CAST: variants seen among roughly 807,000 people sequenced by gnomAD.
CAST encodes MIR583 host.
A neutral mutation model predicts 119.6 loss-of-function variants in CAST; 76 were observed. The ratio of observed to expected loss-of-function variants is 0.64; its 90% CI spans 0.53 to 0.77. CAST has a LOEUF of 0.77. Ranked by LOEUF, CAST falls within the 30% of genes least tolerant of loss-of-function variation. The pLI, the probability that CAST is intolerant of heterozygous loss-of-function variation, is 0.00. For synonymous variants in CAST, 319 were observed against 331.6 expected (o/e 0.96, Z 0.41); for missense variants, 953 against 946.5 (o/e 1.01, Z -0.09).
chr5:96,527,536 T>C (rs1745615651), upstream of CAST, among the ~76,000 whole-genome samples: 1 of 152,198 alleles, frequency 6.6e-6, no homozygotes, highest in Non-Finnish European at 1.5e-5. Context: ...CCTGTCTATT[T>C]TGTGAGCAGT....
the CAST span, among the ~76,000 whole-genome samples, chr5:96,481,814 C>T: frequency 6.6e-6 from 1 of 152,072 alleles, no homozygotes; most frequent in African/African-American, 2.4e-5. Flanking sequence ...TGGCAAGACC[C>T]TATTGTTTAA....
intron 1 of CAST, among the ~76,000 whole-genome samples, chr5:96,655,475 G>A (rs1748145678): frequency 6.6e-6 from 1 of 152,194 alleles, no homozygotes; most frequent in African/African-American, 2.4e-5. Context: ...TTGAATGGCA[G>A]TCCGCAGTCA....
the CAST span, among the ~76,000 whole-genome samples, chr5:96,002,571 T>G: frequency 6.6e-6 from 1 of 152,132 alleles, no homozygotes; most frequent in South Asian, 2.1e-4. Flanking sequence ...TTGCCACCAA[T>G]CTTTATGAAC....
the CAST span, among the ~76,000 whole-genome samples, chr5:96,127,950 A>C: frequency 6.6e-6 from 1 of 152,152 alleles, no homozygotes; most frequent in Non-Finnish European, 1.5e-5. Flanking sequence ...GTATCACTGA[A>C]GCTCTACAGA....
the CAST span, among the ~76,000 whole-genome samples, chr5:96,471,114 T>C: frequency 5.3e-5 from 8 of 152,114 alleles, no homozygotes; most frequent in Admixed American, 2.0e-4. Context: ...ATTTGACTGA[T>C]AGTCACAAAC....
chr5:96,349,532 T>G, the CAST span, among the ~76,000 whole-genome samples: 1 of 152,170 alleles, frequency 6.6e-6, no homozygotes, highest in African/African-American at 2.4e-5. Flanking sequence ...TATTAAAAAC[T>G]CTTTGGCGTC....
the CAST span, among the ~76,000 whole-genome samples, chr5:95,966,673 G>C: frequency 6.6e-6 from 1 of 152,146 alleles, no homozygotes; most frequent in South Asian, 2.1e-4. Flanking sequence ...AGGCTAGGTG[G>C]CCAGGGCTAT....
At chr5:96,540,986 A>G (rs991306704) in intron 1 of CAST, among the ~76,000 whole-genome samples, 4 of 152,092 alleles carry the variant, frequency 2.6e-5, no homozygotes, top group African/African-American at 9.7e-5. Context: ...TTTGTCCACT[A>G]TGAGGTTACC....
At chr5:95,967,140 A>C in the CAST span, among the ~76,000 whole-genome samples, 16 of 152,336 alleles carry the variant, frequency 1.1e-4, no homozygotes, top group East Asian at 1.3e-3. Context: ...CTGAGGAGTT[A>C]GGAAGACATG....
chr5:96,617,560 C>A (rs559794138), intron 1 of CAST, among the ~76,000 whole-genome samples: 1 of 151,702 alleles, frequency 6.6e-6, no homozygotes, highest in Non-Finnish European at 1.5e-5. Flanking sequence ...GAGGCCAAGG[C>A]GGGCGAATCA....
the CAST span, among the ~76,000 whole-genome samples, chr5:96,138,506 C>T: frequency 5.3e-5 from 8 of 151,884 alleles, no homozygotes; most frequent in South Asian, 2.1e-4. Flanking sequence ...TCAATAGAGA[C>T]GAAATACCTT....
At chr5:96,705,156 C>CA (rs1754681538) in intron 3 of CAST, among the ~76,000 whole-genome samples, 1 of 151,934 alleles carries the variant, frequency 6.6e-6, no homozygotes, top group Admixed American at 6.6e-5. Context: ...CCTGTCTCTA[C>CA]AAAAAATTTA....
intron 3 of CAST, among the ~76,000 whole-genome samples, chr5:96,721,143 T>A (rs976646821): frequency 3.9e-5 from 6 of 152,180 alleles, no homozygotes; most frequent in Non-Finnish European, 8.8e-5. Context: ...AAAAAGAATA[T>A]GAGAGAGGCC....
chr5:96,233,602 G>A, the CAST span, among the ~76,000 whole-genome samples: 1 of 152,108 alleles, frequency 6.6e-6, no homozygotes, highest in Non-Finnish European at 1.5e-5. Flanking sequence ...AATCTGGACA[G>A]ATGGCAGATA....
At chr5:96,712,738 T>G (rs1756423477) in intron 3 of CAST, among the ~76,000 whole-genome samples, 1 of 152,248 alleles carries the variant, frequency 6.6e-6, no homozygotes, top group South Asian at 2.1e-4. Context: ...TTAGGTGGTT[T>G]CCAGAATAAC....
chr5:96,580,561 A>G (rs1746753750), intron 1 of CAST, among the ~76,000 whole-genome samples: 1 of 152,168 alleles, frequency 6.6e-6, no homozygotes, highest in African/African-American at 2.4e-5. Flanking sequence ...AAAACTTAAG[A>G]TTCTGATTTA....
chr5:96,541,568 T>C (rs747697759), intron 1 of CAST, among the ~76,000 whole-genome samples: 6 of 152,226 alleles, frequency 3.9e-5, no homozygotes, highest in African/African-American at 7.2e-5. Flanking sequence ...ACCATTATAG[T>C]ATTATACAGA....
intron 1 of CAST, among the ~76,000 whole-genome samples, chr5:96,634,552 C>G (rs936765655): frequency 6.6e-6 from 1 of 152,182 alleles, no homozygotes; most frequent in Non-Finnish European, 1.5e-5. Flanking sequence ...CTTCAGAGGA[C>G]AGGAGCAGCC....
At position 96,719,113 on chromosome 5, in the gene CAST, C is replaced by T. The variant is rs557369552; in HGVS notation, c.211-3526C>T. The stretch of plus-strand genomic sequence containing the variant: ...TTGTTCCATCAGCTACATGTAGTGG[C>T]GCAATGGATGAGCCCGCATCCTAGG... On this transcript the variant is annotated intron_variant, in intron 3 of 31. Coordinates refer to ENST00000675179, the MANE Select transcript of CAST (RefSeq NM_001750.7). Among the ~76,000 whole-genome samples the T allele has an allele frequency of 2.6e-5, 4 of 152,244 alleles. No homozygotes were observed. The East Asian group carries it at 7.7e-4, about 29-fold the overall frequency.
Sources: gnomAD v4.1 joint callset for allele counts (sites outside exome capture counted in the v4.1 genomes callset) on GRCh38, gnomAD v4.1.1 for gene constraint, MANE v1.5 for transcripts, NCBI Gene and HGNC (gene_info 2026-07-23, HGNC 2026-07-21) for gene names.